RPS6KA2: variants seen among roughly 807,000 people sequenced by gnomAD.
RPS6KA2 encodes ribosomal protein S6 kinase alpha-2.
RPS6KA2 carries 42 observed loss-of-function variants against 91.8 expected under a neutral mutation model. The observed-to-expected ratio is 0.46, with a 90% confidence interval of 0.36 to 0.59. RPS6KA2 has a LOEUF of 0.59. RPS6KA2 is among the 20% of genes least tolerant of loss of function. The pLI, the probability that RPS6KA2 is intolerant of heterozygous loss-of-function variation, is 0.00. For missense variants in RPS6KA2, 798 were observed against 978.5 expected (o/e 0.82, Z 2.46); for synonymous variants, 414 against 393.6 (o/e 1.05, Z -0.61).
intron 1 of RPS6KA2, among the ~76,000 whole-genome samples, chr6:166,606,716 C>T (rs978807510): frequency 1.2e-4 from 18 of 152,114 alleles, no homozygotes; most frequent in African/African-American, 4.1e-4. Flanking sequence ...AAACATACAG[C>T]CAATAAAAAC....
rs1289788177 is a variant in RPS6KA2 at position 166,821,076 on chromosome 6, T to A, written c.123+37124A>T. ...GGGTCCAGGGCTATAGGGATTTGGA[T>A]ATTGAATTAGGTTACCATATTTTGT... On this transcript the variant is annotated intron_variant, in intron 2 of 21. Coordinates refer to the RPS6KA2 transcript ENST00000503859. The surrounding 1 kb of genome is among the most constrained non-coding windows in gnomAD (Gnocchi z 4.1). Among the ~76,000 whole-genome samples the A allele has an allele frequency of 6.6e-6, 1 of 152,150 alleles. No individual in the cohort carries two copies. Among genetic ancestry groups the A allele is most frequent in the Non-Finnish European group, 1.5e-5 (1 of 68,022 alleles).
At chr6:166,460,110 C>G (rs1217846865) in intron 11 of RPS6KA2, among the ~76,000 whole-genome samples, 2 of 152,246 alleles carry the variant, frequency 1.3e-5, no homozygotes, top group Non-Finnish European at 2.9e-5. Flanking sequence ...GCACCTCTGC[C>G]AGAAACCTGC....
intron 2 of RPS6KA2, among the ~76,000 whole-genome samples, chr6:166,656,808 C>T (rs1247827599): frequency 6.6e-6 from 1 of 152,196 alleles, no homozygotes; most frequent in African/African-American, 2.4e-5. Flanking sequence ...TAGGTGCCAT[C>T]GCCTCCCAGG....
At chr6:166,593,658 G>GA (rs3837029) in intron 1 of RPS6KA2, among the ~76,000 whole-genome samples, 13,391 of 149,022 alleles carry the variant, frequency 0.09, 711 homozygotes, top group East Asian at 0.26. Flanking sequence ...CTGGTTTTCG[G>GA]AAAAAAAAAA....
intron 1 of RPS6KA2, among the ~76,000 whole-genome samples, chr6:166,576,416 T>C (rs1342551805): frequency 6.6e-5 from 10 of 152,202 alleles, no homozygotes. Context: ...AGAGACTTGC[T>C]GAATGGCTTT....
intron 10 of RPS6KA2, among the ~76,000 whole-genome samples, chr6:166,473,602 A>G (rs1006550114): frequency 5.3e-5 from 8 of 152,234 alleles, no homozygotes; most frequent in African/African-American, 1.9e-4. Flanking sequence ...GTGATTCCCA[A>G]AGGGTTTTGG....
At position 166,770,769 on chromosome 6, in the gene RPS6KA2, T is replaced by G. The variant is rs939427441; in HGVS notation, c.123+87431A>C. On this transcript the variant is annotated intron_variant, in intron 2 of 21. Transcript: ENST00000503859. The surrounding 1 kb of genome is among the most constrained non-coding windows in gnomAD (Gnocchi z 5.1). ...TGGACTCCGGGCACCGTGAAACAAC[T>G]CAATAAATTGAAAAAGACTTCATGT... 10 of 1,253,544 alleles carry G rather than the reference T, an allele frequency of 8.0e-6. No homozygotes were observed. Among genetic ancestry groups the G allele is most frequent in the Non-Finnish European group, 1.1e-5 (10 of 898,190 alleles). 77.7% of individuals were successfully genotyped at this position (1,253,544 alleles called of 1,614,324 possible).
At chr6:166,659,343 C>G (rs1027741084) in intron 2 of RPS6KA2, among the ~76,000 whole-genome samples, 3 of 152,188 alleles carry the variant, frequency 2.0e-5, no homozygotes, top group African/African-American at 7.2e-5. Flanking sequence ...CTGTTCCCTG[C>G]TGACCTCTGC....
intron 2 of RPS6KA2, among the ~76,000 whole-genome samples, chr6:166,693,246 C>A (rs1473476810): frequency 6.6e-6 from 1 of 152,242 alleles, no homozygotes; most frequent in Non-Finnish European, 1.5e-5. Context: ...TGCCTCCTAT[C>A]ACTGCCTGTG....
At chr6:166,645,252 A>G (rs9364863) in intron 2 of RPS6KA2, among the ~76,000 whole-genome samples, 17,256 of 152,262 alleles carry the variant, frequency 0.11, 1,062 homozygotes, top group South Asian at 0.19. Flanking sequence ...TCACCTTTCA[A>G]TATGAAGAAT....
At position 166,567,625 on chromosome 6, in the gene RPS6KA2, G is replaced by A. The variant is rs554897667; in HGVS notation, c.100-28841C>T. Among the ~76,000 whole-genome samples the A allele has an allele frequency of 4.6e-5, 7 of 152,246 alleles. No homozygotes were observed. The East Asian group carries it at 1.3e-3, about 29-fold the overall frequency. ...AAACAGAGAGTAGTAAATCGGCAGC[G>A]GACTGGTTTGCTTATAGCCCAATGT... On this transcript the variant is annotated intron_variant, in intron 1 of 20. Transcript: ENST00000265678.
intron 2 of RPS6KA2, among the ~76,000 whole-genome samples, chr6:166,826,776 G>A (rs1246083934): frequency 6.6e-6 from 1 of 152,130 alleles, no homozygotes; most frequent in Non-Finnish European, 1.5e-5. Flanking sequence ...ACTAGATTTA[G>A]TATAGGGCTT....
intron 2 of RPS6KA2, among the ~76,000 whole-genome samples, chr6:166,746,052 G>A (rs192406542): frequency 5.3e-4 from 80 of 152,302 alleles, no homozygotes; most frequent in African/African-American, 1.7e-3. Context: ...CAGCTACTGA[G>A]ACACGCTTTT....
At chr6:166,499,182 C>G (rs1781922019) in intron 7 of RPS6KA2, among the ~76,000 whole-genome samples, 1 of 152,198 alleles carries the variant, frequency 6.6e-6, no homozygotes, top group South Asian at 2.1e-4. Context: ...GATGGAAGAA[C>G]AGGGATCTCC....
intron 2 of RPS6KA2, among the ~76,000 whole-genome samples, chr6:166,676,128 C>A (rs928362009): frequency 1.3e-5 from 2 of 152,018 alleles, no homozygotes; most frequent in Admixed American, 1.3e-4. Context: ...ACCAGCCTGG[C>A]CAACATGATG....
chr6:166,585,402 G>A (rs1785136070), intron 1 of RPS6KA2, among the ~76,000 whole-genome samples: 1 of 151,352 alleles, frequency 6.6e-6, no homozygotes, highest in Non-Finnish European at 1.5e-5. Flanking sequence ...CCTAATTACA[G>A]AACCTAATTT....
intron 9 of RPS6KA2, 85 bp from the exon 10 acceptor site, chr6:166,489,006 C>T: frequency 8.6e-7 from 1 of 1,166,404 alleles, no homozygotes; most frequent in Non-Finnish European, 1.2e-6. Flanking sequence ...ATTCAGAGAC[C>T]TCAATCGCAG....
In RPS6KA2 at chr6:166,488,713, T is replaced by C. The variant is rs1429069082; in HGVS notation, c.907+120A>G. ...TATTTCAACCTCTAGGTGAGGTCTG[T>C]TTTCAGTGACCTTGGTTGGCATTGG... On this transcript the variant is annotated intron_variant, in intron 10 of 20. Coordinates refer to ENST00000265678, the MANE Select transcript of RPS6KA2 (RefSeq NM_021135.6). The C allele has an allele frequency of 4.2e-6, 3 of 719,252 alleles. No homozygotes were observed. In the East Asian group the frequency reaches 8.2e-5, roughly 20 times the overall value. 44.6% of individuals were successfully genotyped at this position (719,252 alleles called of 1,614,324 possible).
intron 2 of RPS6KA2, among the ~76,000 whole-genome samples, chr6:166,802,257 G>A (rs1436435603): frequency 4.7e-5 from 7 of 149,164 alleles, no homozygotes; most frequent in Non-Finnish European, 1.0e-4. Flanking sequence ...GCAACAGAGT[G>A]AGACTCCGTC....
Sources: allele counts gnomAD v4.1 joint callset (sites outside exome capture counted in the v4.1 genomes callset), GRCh38; gene constraint gnomAD v4.1.1; non-coding constraint Gnocchi (gnomAD v3.1); transcripts MANE v1.5; gene names NCBI Gene and HGNC (gene_info 2026-07-23, HGNC 2026-07-21).